RNF217: variants seen among roughly 807,000 people sequenced by gnomAD.
RNF217 encodes the protein E3 ubiquitin-protein ligase RNF217.
Under a neutral mutation model 57.8 loss-of-function variants are expected in RNF217, and 31 were observed. That is an observed-to-expected ratio of 0.54 (90% CI 0.40 to 0.72). RNF217 has a LOEUF of 0.72. Ranked by LOEUF, RNF217 falls within the 30% of genes least tolerant of loss-of-function variation. RNF217 has a pLI of 0.00. For synonymous variants in RNF217, 313 were observed against 294.0 expected (o/e 1.06, Z -0.66); for missense variants, 696 against 708.3 (o/e 0.98, Z 0.20).
chr6:125,079,763 G>C (rs1405739115), intron 4 of RNF217, among the ~76,000 whole-genome samples: 2 of 151,978 alleles, frequency 1.3e-5, no homozygotes, highest in Non-Finnish European at 2.9e-5. Context: ...TGGGTTATGT[G>C]CAAGTATAAT....
chr6:125,029,024 C>T (rs1324297667), intron 1 of RNF217, among the ~76,000 whole-genome samples: 1 of 152,016 alleles, frequency 6.6e-6, no homozygotes, highest in East Asian at 1.9e-4. Flanking sequence ...TTGAAATTAC[C>T]CAAAGAAATT....
chr6:125,035,945 C>G (rs1786594932), intron 1 of RNF217, among the ~76,000 whole-genome samples: 1 of 151,530 alleles, frequency 6.6e-6, no homozygotes, highest in Non-Finnish European at 1.5e-5. Flanking sequence ...TTCTGGGATA[C>G]ATGTGCAGAA....
chr6:124,979,292 G>A (rs1784074460), intron 1 of RNF217, among the ~76,000 whole-genome samples: 2 of 152,306 alleles, frequency 1.3e-5, no homozygotes, highest in Admixed American at 6.5e-5. Context: ...GTTAGAACTT[G>A]GCTATTGTCT....
intron 1 of RNF217, among the ~76,000 whole-genome samples, chr6:125,025,461 C>T (rs547209373): frequency 1.3e-4 from 19 of 151,374 alleles, no homozygotes; most frequent in African/African-American, 4.1e-4. Flanking sequence ...AGATTCCTGA[C>T]AAGGCAGGTG....
intron 1 of RNF217, among the ~76,000 whole-genome samples, chr6:125,030,960 C>T (rs113782889): frequency 2.9e-3 from 443 of 152,334 alleles, no homozygotes; most frequent in African/African-American, 9.8e-3. Context: ...GGCATCCGGG[C>T]GTTTCCCTAC....
chr6:124,967,864 T>C (rs1405718370), intron 1 of RNF217, among the ~76,000 whole-genome samples: 1 of 152,110 alleles, frequency 6.6e-6, no homozygotes, highest in Non-Finnish European at 1.5e-5. Context: ...CTGCAACCTT[T>C]GCCTCCCGGG....
chr6:125,012,029 A>C (rs780660067), intron 1 of RNF217, among the ~76,000 whole-genome samples: 2 of 152,154 alleles, frequency 1.3e-5, no homozygotes, highest in Non-Finnish European at 2.9e-5. Context: ...TTGAACAAAT[A>C]TATACTGAAT....
chr6:124,963,132 C>T lies in RNF217; in HGVS notation c.588C>T (p.Asn196=), dbSNP rs771947822. 2.6e-6 allele frequency: 4 copies of T among 1,534,586 alleles called. No individual in the cohort carries two copies. In the East Asian group the frequency reaches 7.3e-5, roughly 28 times the overall value. Residue 196 remains asparagine, a synonymous_variant, in exon 1 of 6, where the codon AAC becomes AAT. Coordinates refer to ENST00000521654, the MANE Select transcript of RNF217 (RefSeq NM_001286398.3). ...ASPPGAPPVL[N]PPSTRSSFPS... ...CACCTGGGGCTCCGCCAGTGTTGAA[C>T]CCTCCCAGCACCCGCTCTTCCTTCC... is the stretch of plus-strand genomic sequence containing the variant.
In RNF217 at chr6:125,015,411, T is replaced by A. The variant is rs148407239; in HGVS notation, c.883-29800T>A. 1.6e-3 allele frequency among the ~76,000 whole-genome samples: 249 copies of A among 152,224 alleles called. 2 individuals carry two copies. The highest frequency in any genetic ancestry group is 5.9e-3 in the African/African-American group (246 of 41,568). On this transcript the variant is annotated intron_variant, in intron 1 of 5. Transcript: ENST00000521654. Reference sequence around the variant, plus strand: ...CAGAAATGCCCACAAACAAATACACTAGGATATTAATCACTACAATATAGT... The same window carrying A: ...CAGAAATGCCCACAAACAAATACACAAGGATATTAATCACTACAATATAGT...
intron 5 of RNF217, among the ~76,000 whole-genome samples, chr6:125,082,145 TC>T (rs2114658285): frequency 6.6e-6 from 1 of 152,164 alleles, no homozygotes; most frequent in East Asian, 1.9e-4. Context: ...ATGGGAAAAG[TC>T]CATTGATTTT....
chr6:125,080,392 G>A (rs779109440), intron 4 of RNF217, among the ~76,000 whole-genome samples: 5 of 152,034 alleles, frequency 3.3e-5, no homozygotes, highest in Non-Finnish European at 5.9e-5. Flanking sequence ...GAATAAAAAA[G>A]TTAGTATGTT....
chr6:125,049,925 T>TA (rs1347780603), intron 2 of RNF217, among the ~76,000 whole-genome samples: 3 of 151,834 alleles, frequency 2.0e-5, no homozygotes, highest in Admixed American at 6.6e-5. Flanking sequence ...GAAGACCCTT[T>TA]AGGGCATCAA....
intron 3 of RNF217, among the ~76,000 whole-genome samples, chr6:125,060,234 G>C (rs549267530): frequency 1.3e-5 from 2 of 151,980 alleles, no homozygotes; most frequent in East Asian, 3.9e-4. Context: ...TTGAGTAAAA[G>C]AAATGAAGAA....
intron 1 of RNF217, among the ~76,000 whole-genome samples, chr6:125,029,677 G>A (rs376235244): frequency 9.2e-5 from 14 of 152,266 alleles, no homozygotes; most frequent in African/African-American, 2.2e-4. Flanking sequence ...AATGTAGAAC[G>A]TGCATTTTTT....
At chr6:124,971,077 A>G (rs1783742580) in intron 1 of RNF217, among the ~76,000 whole-genome samples, 1 of 152,204 alleles carries the variant, frequency 6.6e-6, no homozygotes, top group Admixed American at 6.5e-5. Context: ...TATATGAGGG[A>G]ACTCGAGGTT....
At chr6:125,060,356 TAC>T (rs71706851) in intron 3 of RNF217, among the ~76,000 whole-genome samples, 63,268 of 149,992 alleles carry the variant, frequency 0.42, 13,896 homozygotes, top group African/African-American at 0.54. Context: ...TATATGTGTA[TAC>T]ACACACACAC....
intron 5 of RNF217, 81 bp downstream of exon 5, chr6:125,081,588 A>C (rs917461528): frequency 9.0e-7 from 1 of 1,112,908 alleles, no homozygotes; most frequent in Admixed American, 2.1e-5. Flanking sequence ...AATAATATGA[A>C]TCAGTTATTA....
intron 1 of RNF217, among the ~76,000 whole-genome samples, chr6:124,968,599 A>G (rs908115874): frequency 1.3e-5 from 2 of 152,128 alleles, no homozygotes; most frequent in African/African-American, 4.8e-5. Context: ...TGTCCCTTCC[A>G]GCTGTCTGGA....
At chr6:125,002,900 G>T (rs113111128) in intron 1 of RNF217, among the ~76,000 whole-genome samples, 3 of 152,126 alleles carry the variant, frequency 2.0e-5, no homozygotes, top group Non-Finnish European at 4.4e-5. Flanking sequence ...ATAGTTCTGG[G>T]TCTACAGCAT....
Sources: allele counts gnomAD v4.1 joint callset (sites outside exome capture counted in the v4.1 genomes callset), GRCh38; gene constraint gnomAD v4.1.1; transcripts MANE v1.5; gene names NCBI Gene and HGNC (gene_info 2026-07-23, HGNC 2026-07-21).